The following CDC40 variants were observed in gnomAD, a reference collection of about 807,000 sequenced individuals.
The protein encoded by CDC40 is pre-mRNA-processing factor 17.
Under a neutral mutation model 80.6 loss-of-function variants are expected in CDC40, and 27 were observed. That is an observed-to-expected ratio of 0.33 (90% CI 0.25 to 0.46). The LOEUF is 0.46. Among genes scored for constraint, CDC40 ranks in the 20% least tolerant of loss-of-function variants. The probability of loss-of-function intolerance (pLI) is 1.00; values close to 1 mark genes in which losing one functional copy is unlikely to be tolerated. For synonymous variants in CDC40, 221 were observed against 232.6 expected (o/e 0.95, Z 0.45); for missense variants, 486 against 694.1 (o/e 0.70, Z 3.37).
intron 7 of CDC40, 140 bp from the exon 8 acceptor site, chr6:110,212,946 A>G (rs1777655293): frequency 1.5e-6 from 1 of 679,206 alleles, no homozygotes; most frequent in Non-Finnish European, 2.7e-6. Flanking sequence ...AATGCTAATG[A>G]AAGTTATTCT....
chr6:110,226,243 G>T lies in CDC40; in HGVS notation c.1417G>T (p.Gly473Ter). Residue 473 changes from glycine to a stop codon, truncating the protein, a stop_gained and splice_region_variant, in exon 13 of 15, where the codon GGA becomes TGA. Coordinates refer to ENST00000307731, the MANE Select transcript of CDC40 (RefSeq NM_015891.3). LOFTEE classifies it high-confidence loss of function. ...SMPAVTLSPNGKWLACQSMDN... is the reference protein window; with the variant it reads ...SMPAVTLSPN ...GCCTGCAGTGACTTTGTCTCCAAAT[G>T]GTGAGTTAGTATGTAGATTGTATTT... 6.4e-7 allele frequency: 1 copy of T among 1,569,164 alleles called. No homozygotes were observed. The highest frequency in any genetic ancestry group is 8.8e-7 in the Non-Finnish European group (1 of 1,140,264).
At chr6:110,207,824 T>C (rs901155566) in intron 4 of CDC40, among the ~76,000 whole-genome samples, 3 of 152,230 alleles carry the variant, frequency 2.0e-5, no homozygotes, top group Non-Finnish European at 4.4e-5. Flanking sequence ...TACATATCTC[T>C]TTGAGTTACT....
In CDC40 at chr6:110,207,718, G is replaced by A. The variant is rs1292551090; in HGVS notation, c.490+129G>A. On this transcript the variant is annotated intron_variant, in intron 4 of 14. Transcript: ENST00000307731. Reference sequence around the variant, plus strand: ...TTTTTTTTAAAGTTGAAACAATGGAGCGATACAGTTTAGAGCAATATAGTT... The same window carrying A: ...TTTTTTTTAAAGTTGAAACAATGGAACGATACAGTTTAGAGCAATATAGTT... The A allele has an allele frequency of 1.2e-5, 7 of 598,994 alleles. No homozygotes were observed. The East Asian group carries it at 1.7e-4, about 14-fold the overall frequency. 37.1% of individuals were successfully genotyped at this position (598,994 alleles called of 1,614,324 possible). A position where few individuals can be genotyped will look rare whatever the true frequency, so the allele number is the denominator to read the frequency against.
rs1777628881 is a variant in CDC40, at chr6:110,210,822, A to G, written c.727+19A>G. Reference sequence around the variant, plus strand: ...TTACATGGTAACATATTTTTTGTACATCTTCATTTTTATGAAAAACCTTCA... The same window carrying G: ...TTACATGGTAACATATTTTTTGTACGTCTTCATTTTTATGAAAAACCTTCA... On this transcript the variant is annotated intron_variant, in intron 6 of 14. Coordinates refer to ENST00000307731, the MANE Select transcript of CDC40 (RefSeq NM_015891.3). 5 of 1,350,684 alleles carry G rather than the reference A, an allele frequency of 3.7e-6. No homozygotes were observed. The highest frequency in any genetic ancestry group is 2.9e-5 in the South Asian group (2 of 69,302). The allele number at this position is 1,350,684 out of a possible 1,614,324, so 83.7% of individuals were successfully genotyped here. A position where few individuals can be genotyped will look rare whatever the true frequency, so the allele number is the denominator to read the frequency against.
chr6:110,185,719 G>C (rs1193347842), intron 1 of CDC40, among the ~76,000 whole-genome samples: 1 of 152,098 alleles, frequency 6.6e-6, no homozygotes, highest in Non-Finnish European at 1.5e-5. Context: ...CAAAAAGATA[G>C]CTATAAAATT....
intron 14 of CDC40, among the ~76,000 whole-genome samples, chr6:110,229,250 G>A (rs1777904598): frequency 1.3e-5 from 2 of 152,032 alleles, no homozygotes; most frequent in South Asian, 2.1e-4. Flanking sequence ...TATAACCAAT[G>A]CCTTATTTTC....
chr6:110,212,313 T>A (rs972526307), intron 7 of CDC40, 41 bp downstream of exon 7: 1 of 1,599,318 alleles, frequency 6.3e-7, no homozygotes, highest in African/African-American at 1.3e-5. Context: ...AATGTTATAA[T>A]AATGAAGCCA....
intron 5 of CDC40, 125 bp from the exon 6 acceptor site, chr6:110,210,582 C>T: frequency 3.4e-6 from 1 of 293,416 alleles, no homozygotes; most frequent in Non-Finnish European, 6.5e-6. Context: ...AAGTGTTGAG[C>T]TTGTTATCCT....
intron 1 of CDC40, among the ~76,000 whole-genome samples, chr6:110,187,604 G>GA (rs35998512): frequency 2.0e-5 from 3 of 151,508 alleles, no homozygotes; most frequent in South Asian, 2.1e-4. Flanking sequence ...TTTCTGGGAG[G>GA]AAAAAAAACT....
intron 1 of CDC40, among the ~76,000 whole-genome samples, chr6:110,183,102 C>T (rs1359019378): frequency 6.6e-6 from 1 of 152,170 alleles, no homozygotes; most frequent in Non-Finnish European, 1.5e-5. Flanking sequence ...GTGCCTCCTT[C>T]CCCCACTCCA....
In CDC40 at chr6:110,231,787, A is replaced by T. The variant is rs1247198996; in HGVS notation, c.*1656A>T. The stretch of plus-strand genomic sequence containing the variant: ...GGAGTGTCTGTTTTTAGAAATTTAG[A>T]TTTTAAAAGGCGTGGGACATACGAC... On this transcript the variant is annotated 3_prime_UTR_variant, in exon 15 of 15. Transcript: ENST00000307731. 1 of 148,036 alleles carries T rather than the reference A, an allele frequency of 6.8e-6. No homozygotes were observed. The highest frequency in any genetic ancestry group is 1.5e-5 in the Non-Finnish European group (1 of 67,308). 9.2% of individuals were successfully genotyped at this position (148,036 alleles called of 1,614,324 possible).
intron 12 of CDC40, among the ~76,000 whole-genome samples, chr6:110,223,855 CAG>C (rs1274640693): frequency 6.1e-5 from 7 of 113,848 alleles, no homozygotes; most frequent in African/African-American, 2.0e-4. Context: ...TTGTTTGAGA[CAG>C]AGTCTCGCTC....
At chr6:110,228,998 C>T in intron 14 of CDC40, 22 bp downstream of exon 14, 1 of 1,568,286 alleles carries the variant, frequency 6.4e-7, no homozygotes, top group Non-Finnish European at 8.7e-7. Context: ...TCTTCTAATC[C>T]ATTCTCGTAT....
intron 5 of CDC40, 148 bp downstream of exon 5, chr6:110,209,371 A>C: frequency 1.8e-6 from 1 of 547,534 alleles, no homozygotes; most frequent in Non-Finnish European, 3.2e-6. Context: ...TATACAATAA[A>C]ATTTATTTGT....
At chr6:110,202,919 G>C (rs571671173) in intron 3 of CDC40, among the ~76,000 whole-genome samples, 1 of 152,218 alleles carries the variant, frequency 6.6e-6, no homozygotes, top group African/African-American at 2.4e-5. Flanking sequence ...TAGGACACAG[G>C]TTGAACTATT....
In CDC40 at chr6:110,230,070, C is replaced by G; in HGVS notation, c.1679C>G (p.Pro560Arg). The change falls in exon 15 of 15, where the codon CCT becomes CGT. Residue 560 changes from proline (P) to arginine (R), a missense_variant. Around this residue, in one of 3 missense-constraint regions of CDC40, gnomAD observed 88 missense variants for 138.7 expected, o/e 0.63. Coordinates refer to ENST00000307731, the MANE Select transcript of CDC40 (RefSeq NM_015891.3). ...GTGTGTATAGGTGCAGTGTGGCATC[C>G]TCATGAAACTTCTAAGGTCATAACA... ...DKVCIGAVWH[P>R]HETSKVITCG... is the part of the protein sequence containing the mutation. The G allele has an allele frequency of 6.2e-7, 1 of 1,612,468 alleles. No homozygotes were observed. The highest frequency in any genetic ancestry group is 8.5e-7 in the Non-Finnish European group (1 of 1,178,692).
At chr6:110,222,919 T>C (rs1268173057) in intron 12 of CDC40, among the ~76,000 whole-genome samples, 1 of 152,356 alleles carries the variant, frequency 6.6e-6, no homozygotes, top group Non-Finnish European at 1.5e-5. Flanking sequence ...GCATTTCACG[T>C]GAACTATCTG....
At chr6:110,227,135 TAAG>T (rs1311132954) in intron 13 of CDC40, among the ~76,000 whole-genome samples, 3 of 152,222 alleles carry the variant, frequency 2.0e-5, no homozygotes, top group African/African-American at 2.4e-5. Flanking sequence ...AGGCAAAAAT[TAAG>T]AAGATAAATC....
intron 12 of CDC40, among the ~76,000 whole-genome samples, chr6:110,220,171 A>C (rs1003251818): frequency 1.3e-5 from 2 of 152,120 alleles, no homozygotes; most frequent in African/African-American, 4.8e-5. Context: ...TACCTTATTC[A>C]TCTCTGTAAA....
Sources: allele counts gnomAD v4.1 joint callset (sites outside exome capture counted in the v4.1 genomes callset), GRCh38; gene constraint gnomAD v4.1.1; regional missense constraint gnomAD v4.1.1; transcripts MANE v1.5; gene names NCBI Gene and HGNC (gene_info 2026-07-23, HGNC 2026-07-21).